Variants in PTPRN2 observed in about 807,000 individuals in gnomAD.
PTPRN2 encodes the protein receptor-type tyrosine-protein phosphatase N2.
Under a neutral mutation model 118.8 loss-of-function variants are expected in PTPRN2, and 74 were observed. That is an observed-to-expected ratio of 0.62 (90% CI 0.52 to 0.76). The LOEUF (loss-of-function observed/expected upper bound fraction) is 0.76, where lower values mean the gene tolerates loss of function less well. Ranked by LOEUF, PTPRN2 falls within the 30% of genes least tolerant of loss-of-function variation. The pLI is 0.00. For synonymous variants in PTPRN2, 641 were observed against 608.0 expected (o/e 1.05, Z -0.80); for missense variants, 1,481 against 1,394.4 (o/e 1.06, Z -0.99).
At chr7:158,221,854 A>G (rs1828403546) in intron 3 of PTPRN2, among the ~76,000 whole-genome samples, 1 of 152,132 alleles carries the variant, frequency 6.6e-6, no homozygotes, top group Non-Finnish European at 1.5e-5. Flanking sequence ...AATATCCAGA[A>G]TCTGTAAGGA....
chr7:157,712,691 C>A (rs73516854), intron 12 of PTPRN2, among the ~76,000 whole-genome samples: 16 of 141,066 alleles, frequency 1.1e-4, no homozygotes, highest in Admixed American at 3.8e-4. Flanking sequence ...GTGGAGGTTG[C>A]GGCTACCCAA....
chr7:158,524,484 C>CGGAGTCTGCCCTGGAGT (rs1563395110), intron 1 of PTPRN2, among the ~76,000 whole-genome samples: 1 of 92,312 alleles, frequency 1.1e-5, no homozygotes, highest in Non-Finnish European at 2.0e-5. Context: ...TGCCCTGGAG[C>CGGAGTCTGCCCTGGAGT]GGAGTCTGCC....
chr7:157,833,169 A>G (rs1230417785), intron 12 of PTPRN2, among the ~76,000 whole-genome samples: 3 of 125,054 alleles, frequency 2.4e-5, no homozygotes, highest in Admixed American at 8.3e-5. Context: ...TTCAGGAAGT[A>G]TGCGACGTGG....
chr7:158,171,837 C>A (rs1472675049), intron 5 of PTPRN2, among the ~76,000 whole-genome samples: 1 of 152,136 alleles, frequency 6.6e-6, no homozygotes. Context: ...TTTCCTAAGA[C>A]AATGTGGAAT....
chr7:157,908,182 C>A (rs1797884047), intron 11 of PTPRN2, among the ~76,000 whole-genome samples: 1 of 152,186 alleles, frequency 6.6e-6, no homozygotes, highest in Admixed American at 6.5e-5. Context: ...CCCAACTGCG[C>A]TGCCTGGCTC....
At chr7:157,755,951 C>T (rs1801755127) in intron 12 of PTPRN2, among the ~76,000 whole-genome samples, 2 of 152,250 alleles carry the variant, frequency 1.3e-5, no homozygotes, top group Non-Finnish European at 2.9e-5. Context: ...CAGCGTCCAG[C>T]ACCCAGGTTC....
intron 14 of PTPRN2, among the ~76,000 whole-genome samples, chr7:157,651,500 C>CA (rs763408582): frequency 6.6e-6 from 1 of 152,154 alleles, no homozygotes. Context: ...CCCCACTCTC[C>CA]AAAAAACGTT....
intron 21 of PTPRN2, among the ~76,000 whole-genome samples, chr7:157,559,899 T>C (rs1402261212): frequency 1.3e-5 from 2 of 152,020 alleles, no homozygotes; most frequent in African/African-American, 4.8e-5. Context: ...GCTCCCTCGC[T>C]GTGGCCTCAT....
intron 2 of PTPRN2, among the ~76,000 whole-genome samples, chr7:158,352,409 G>A (rs946743652): frequency 6.6e-6 from 1 of 152,064 alleles, no homozygotes. Context: ...ACTTACACAA[G>A]CACACAGCAG....
intron 2 of PTPRN2, among the ~76,000 whole-genome samples, chr7:158,469,735 CAAAAAA>C (rs56040599): frequency 7.8e-4 from 53 of 67,522 alleles, no homozygotes; most frequent in African/African-American, 8.1e-4. Flanking sequence ...AAAACCTGGC[CAAAAAA>C]AAAAAAAAAA....
At chr7:157,948,946 C>T (rs999854363) in intron 11 of PTPRN2, among the ~76,000 whole-genome samples, 8 of 152,084 alleles carry the variant, frequency 5.3e-5, no homozygotes, top group South Asian at 2.1e-4. Context: ...GGATTCAAAA[C>T]CCATGTATAC....
chr7:157,973,901 G>C (rs901686992), intron 11 of PTPRN2, among the ~76,000 whole-genome samples: 1 of 152,182 alleles, frequency 6.6e-6, no homozygotes, highest in Non-Finnish European at 1.5e-5. Context: ...GGCCTCTCGC[G>C]CTGTCCTCCT....
chr7:158,188,212 G>C (rs7800396), intron 5 of PTPRN2, among the ~76,000 whole-genome samples: 6,322 of 26,180 alleles, frequency 0.24, 1,210 homozygotes, highest in Admixed American at 0.33. Context: ...CACGCTCGCC[G>C]CCTGATGGGG....
At chr7:158,277,426 A>G (rs1799093742) in intron 3 of PTPRN2, among the ~76,000 whole-genome samples, 1 of 152,208 alleles carries the variant, frequency 6.6e-6, no homozygotes, top group African/African-American at 2.4e-5. Flanking sequence ...GGAGACACGG[A>G]CGTTTGTACC....
chr7:158,270,806 T>TGGGCCGCCCCTC (rs1798321733), intron 3 of PTPRN2, among the ~76,000 whole-genome samples: 2 of 6,398 alleles, frequency 3.1e-4, no homozygotes. Flanking sequence ...GACCACCCCC[T>TGGGCCGCCCCTC]CACCTGGACC....
intron 2 of PTPRN2, among the ~76,000 whole-genome samples, chr7:158,322,731 C>T (rs1440063578): frequency 6.6e-6 from 1 of 152,260 alleles, no homozygotes; most frequent in East Asian, 1.9e-4. Flanking sequence ...GCAGAGCCTG[C>T]GGGAATCAGA....
chr7:157,824,874 A>G (rs1807070981), intron 12 of PTPRN2, among the ~76,000 whole-genome samples: 6 of 152,156 alleles, frequency 3.9e-5, no homozygotes, highest in Admixed American at 3.9e-4. Context: ...TGATGGAACC[A>G]CTTCCACATG....
chr7:157,754,165 G>A (rs1801648584), intron 12 of PTPRN2, among the ~76,000 whole-genome samples: 1 of 152,242 alleles, frequency 6.6e-6, no homozygotes. Context: ...GCCTGGTGCG[G>A]GCCCTTCCCG....
intron 11 of PTPRN2, among the ~76,000 whole-genome samples, chr7:158,060,817 T>C (rs1810273851): frequency 6.6e-6 from 1 of 152,258 alleles, no homozygotes; most frequent in Non-Finnish European, 1.5e-5. Context: ...AGAGACCATG[T>C]AGGCCTTGCT....
Sources: gnomAD v4.1 joint callset for allele counts (sites outside exome capture counted in the v4.1 genomes callset) on GRCh38, gnomAD v4.1.1 for gene constraint, MANE v1.5 for transcripts, NCBI Gene and HGNC (gene_info 2026-07-23, HGNC 2026-07-21) for gene names.